The following GPM6A variants were observed in gnomAD, a reference collection of about 807,000 sequenced individuals.
The protein encoded by GPM6A is glycoprotein M6A, also known as neuronal membrane glycoprotein M6-a.
A neutral mutation model predicts 32.1 loss-of-function variants in GPM6A; 7 were observed. The observed-to-expected ratio is 0.22, with a 90% confidence interval of 0.12 to 0.41. The LOEUF (loss-of-function observed/expected upper bound fraction) is 0.41, where lower values mean the gene tolerates loss of function less well. Among genes scored for constraint, GPM6A ranks in the 10% least tolerant of loss-of-function variants. GPM6A has a pLI of 1.00. For missense variants in GPM6A, 235 were observed against 347.2 expected, an observed-to-expected ratio of 0.68 and a Z score of 2.57; for synonymous variants, 130 against 123.4, an observed-to-expected ratio of 1.05 and a Z score of -0.35.
intron 1 of GPM6A, among the ~76,000 whole-genome samples, chr4:175,740,406 A>G (rs953490521): frequency 9.2e-5 from 14 of 152,068 alleles, no homozygotes; most frequent in Non-Finnish European, 1.9e-4. Flanking sequence ...ATAACCTAAC[A>G]TTATTATTTA....
At chr4:175,987,889 TC>T (rs1273474916) in intron 1 of GPM6A, among the ~76,000 whole-genome samples, 3 of 152,152 alleles carry the variant, frequency 2.0e-5, no homozygotes, top group Non-Finnish European at 2.9e-5. Flanking sequence ...TAACCTTTTT[TC>T]ACCCATTAAC....
chr4:175,958,876 C>G (rs1740075188), intron 1 of GPM6A, among the ~76,000 whole-genome samples: 1 of 152,194 alleles, frequency 6.6e-6, no homozygotes, highest in Non-Finnish European at 1.5e-5. Flanking sequence ...CCATTCCCAC[C>G]AAACATAACC....
intron 1 of GPM6A, among the ~76,000 whole-genome samples, chr4:175,989,053 C>G (rs1183333654): frequency 6.6e-6 from 1 of 152,060 alleles, no homozygotes; most frequent in East Asian, 1.9e-4. Flanking sequence ...AAAGCTATGC[C>G]TACCAGTAGA....
intron 1 of GPM6A, among the ~76,000 whole-genome samples, chr4:175,729,192 A>T (rs528751784): frequency 9.8e-5 from 15 of 152,352 alleles, no homozygotes; most frequent in Non-Finnish European, 1.6e-4. Context: ...AACTTAAGAT[A>T]GTGACCACAA....
intron 1 of GPM6A, among the ~76,000 whole-genome samples, chr4:175,912,907 T>A (rs562426896): frequency 1.3e-5 from 2 of 152,286 alleles, no homozygotes; most frequent in South Asian, 2.1e-4. Context: ...ATGTTCATTA[T>A]CAATAAAATG....
At chr4:175,970,900 A>G (rs1561017309) in intron 1 of GPM6A, 1 of 446,768 alleles carries the variant, frequency 2.2e-6, no homozygotes, top group East Asian at 7.1e-5. Flanking sequence ...CGATACCGAC[A>G]GACCCTTTTT....
chr4:175,973,258 A>G (rs986111817), intron 1 of GPM6A, among the ~76,000 whole-genome samples: 20 of 152,238 alleles, frequency 1.3e-4, no homozygotes, highest in African/African-American at 4.6e-4. Flanking sequence ...CAGAGTTTAC[A>G]CAATGAGGAA....
intron 1 of GPM6A, among the ~76,000 whole-genome samples, chr4:175,755,609 G>A (rs986032362): frequency 1.3e-5 from 2 of 152,122 alleles, no homozygotes; most frequent in Admixed American, 1.3e-4. Context: ...GGTAAAGAAA[G>A]TATAAATTTG....
intron 1 of GPM6A, among the ~76,000 whole-genome samples, chr4:175,863,577 C>T (rs1460334179): frequency 6.6e-6 from 1 of 152,078 alleles, no homozygotes; most frequent in East Asian, 1.9e-4. Context: ...TATGCCTTCA[C>T]ATTTTTCTTG....
intron 1 of GPM6A, among the ~76,000 whole-genome samples, chr4:175,913,779 A>G (rs1319203831): frequency 6.6e-6 from 1 of 152,176 alleles, no homozygotes; most frequent in Non-Finnish European, 1.5e-5. Context: ...CACTATATTT[A>G]GGATTGTAAA....
chr4:175,795,668 T>C (rs1032994846), intron 1 of GPM6A, among the ~76,000 whole-genome samples: 2 of 152,144 alleles, frequency 1.3e-5, no homozygotes, highest in African/African-American at 4.8e-5. Context: ...GGAGGATCAC[T>C]TGAGCCCAGG....
intron 6 of GPM6A, among the ~76,000 whole-genome samples, chr4:175,636,858 T>G (rs1740648585): frequency 6.9e-6 from 1 of 144,072 alleles, no homozygotes; most frequent in Non-Finnish European, 1.5e-5. Context: ...TTTTATATTA[T>G]ATATATTTTA....
At chr4:175,801,441 A>G (rs1240876474) in intron 1 of GPM6A, among the ~76,000 whole-genome samples, 3 of 152,056 alleles carry the variant, frequency 2.0e-5, no homozygotes, top group Non-Finnish European at 2.9e-5. Flanking sequence ...GTTCAAACTA[A>G]TATATCTATA....
chr4:175,989,381 G>T (rs1741070740), intron 1 of GPM6A, among the ~76,000 whole-genome samples: 1 of 152,054 alleles, frequency 6.6e-6, no homozygotes, highest in Admixed American at 6.6e-5. Flanking sequence ...AAAATAGGGG[G>T]CAAAAGGGAA....
At chr4:175,850,782 A>G (rs905455258) in intron 1 of GPM6A, among the ~76,000 whole-genome samples, 2 of 151,096 alleles carry the variant, frequency 1.3e-5, no homozygotes, top group African/African-American at 2.4e-5. Flanking sequence ...CTCATTTTAC[A>G]TATATATTGC....
In GPM6A at chr4:175,822,515, A is replaced by G. The variant is rs555361758; in HGVS notation, c.-22-10266T>C. Among the ~76,000 whole-genome samples, 25 of 152,336 alleles carry G rather than the reference A, an allele frequency of 1.6e-4. No homozygotes were observed. The South Asian group carries it at 5.0e-3, about 30-fold the overall frequency. On this transcript the variant is annotated intron_variant, in intron 1 of 7. Transcript: ENST00000280187. ...GATAGAAGTATATAACAACAGTATAAATAGTATCCTTTTGTATTTTAAAAT... is the reference window on the plus strand; with the variant it reads ...GATAGAAGTATATAACAACAGTATAGATAGTATCCTTTTGTATTTTAAAAT...
chr4:175,797,757 T>G (rs935111533), intron 1 of GPM6A, among the ~76,000 whole-genome samples: 1 of 152,228 alleles, frequency 6.6e-6, no homozygotes. Context: ...GGCAAAATTA[T>G]AGCGGTGTTG....
chr4:175,639,061 G>A (rs1740980128), intron 6 of GPM6A, among the ~76,000 whole-genome samples: 1 of 139,698 alleles, frequency 7.2e-6, no homozygotes, highest in African/African-American at 2.6e-5. Context: ...ATTCTATATA[G>A]AGGTCACTGT....
intron 3 of GPM6A, among the ~76,000 whole-genome samples, chr4:175,657,835 G>A (rs1742174789): frequency 1.3e-5 from 2 of 152,048 alleles, no homozygotes; most frequent in South Asian, 4.1e-4. Context: ...AATAGCTCTT[G>A]GCTATAAACC....
Sources: gnomAD v4.1 joint callset for allele counts (sites outside exome capture counted in the v4.1 genomes callset) on GRCh38, gnomAD v4.1.1 for gene constraint, MANE v1.5 for transcripts, NCBI Gene and HGNC (gene_info 2026-07-23, HGNC 2026-07-21) for gene names.